TENM3: variants seen among roughly 807,000 people sequenced by gnomAD.
TENM3 encodes the protein teneurin transmembrane protein 3, also known as teneurin-3.
TENM3 carries 63 observed loss-of-function variants against 255.1 expected under a neutral mutation model. The ratio of observed to expected loss-of-function variants is 0.25; its 90% confidence interval spans 0.20 to 0.30. TENM3 has a LOEUF of 0.30. Ranked by LOEUF, TENM3 falls within the 10% of genes least tolerant of loss-of-function variation. TENM3 has a pLI of 1.00. For synonymous variants in TENM3, 1,306 were observed against 1,322.3 expected, an observed-to-expected ratio of 0.99 and a Z score of 0.27; for missense variants, 2,929 against 3,461.1, an observed-to-expected ratio of 0.85 and a Z score of 3.86.
At chr4:182,034,603 T>C in the TENM3 span, among the ~76,000 whole-genome samples, 1 of 152,194 alleles carries the variant, frequency 6.6e-6, no homozygotes, top group African/African-American at 2.4e-5. Flanking sequence ...CCTCGGCATT[T>C]GGTTGTCTGG....
the TENM3 span, among the ~76,000 whole-genome samples, chr4:181,591,957 A>G: frequency 9.0e-6 from 1 of 110,620 alleles, no homozygotes; most frequent in African/African-American, 3.0e-5. Context: ...GAAAAAAGCC[A>G]GAAAAAAAAA....
At chr4:182,016,130 G>A in the TENM3 span, among the ~76,000 whole-genome samples, 1 of 152,128 alleles carries the variant, frequency 6.6e-6, no homozygotes, top group Non-Finnish European at 1.5e-5. Context: ...CTGGTTGAGA[G>A]ACAGTTCTCC....
chr4:182,758,631 G>T (rs903282344), intron 22 of TENM3, among the ~76,000 whole-genome samples: 1 of 152,088 alleles, frequency 6.6e-6, no homozygotes, highest in Non-Finnish European at 1.5e-5. Flanking sequence ...ATATTAGTAC[G>T]TGTCTGTAAT....
intron 1 of TENM3, among the ~76,000 whole-genome samples, chr4:182,203,528 G>T (rs2149840865): frequency 6.6e-6 from 1 of 152,296 alleles, no homozygotes; most frequent in African/African-American, 2.4e-5. Context: ...AAGGCAGTTG[G>T]GAGACTTGAG....
the TENM3 span, among the ~76,000 whole-genome samples, chr4:181,694,356 G>C: frequency 1.3e-5 from 2 of 152,090 alleles, no homozygotes; most frequent in Non-Finnish European, 2.9e-5. Flanking sequence ...ATGTACTGCC[G>C]CACAAACCTT....
At chr4:182,020,479 C>T in the TENM3 span, among the ~76,000 whole-genome samples, 1 of 152,118 alleles carries the variant, frequency 6.6e-6, no homozygotes, top group Non-Finnish European at 1.5e-5. Flanking sequence ...AGTTGTAGTG[C>T]TCTATAGCTC....
At chr4:181,966,267 G>C in the TENM3 span, among the ~76,000 whole-genome samples, 1 of 152,154 alleles carries the variant, frequency 6.6e-6, no homozygotes, top group South Asian at 2.1e-4. Context: ...AATGGGCTCT[G>C]TGTCATTCAG....
chr4:182,172,367 T>A (rs1458863745), intron 1 of TENM3, among the ~76,000 whole-genome samples: 1 of 152,148 alleles, frequency 6.6e-6, no homozygotes, highest in Non-Finnish European at 1.5e-5. Context: ...CAAAACAGTA[T>A]CTAATTCGGT....
chr4:181,968,871 C>T, the TENM3 span, among the ~76,000 whole-genome samples: 1 of 152,084 alleles, frequency 6.6e-6, no homozygotes, highest in Non-Finnish European at 1.5e-5. Context: ...ATTACATACA[C>T]ACATATATAA....
chr4:182,208,371 A>C (rs1375834928), intron 1 of TENM3, among the ~76,000 whole-genome samples: 1 of 152,200 alleles, frequency 6.6e-6, no homozygotes, highest in Non-Finnish European at 1.5e-5. Context: ...CTTCTCATGA[A>C]GACTCTAGGG....
intron 1 of TENM3, among the ~76,000 whole-genome samples, chr4:182,164,004 T>C (rs1485603339): frequency 6.6e-6 from 1 of 152,200 alleles, no homozygotes; most frequent in Non-Finnish European, 1.5e-5. Flanking sequence ...TCAAAACTTC[T>C]AGCTCCAGAT....
chr4:181,550,031 T>G, the TENM3 span, among the ~76,000 whole-genome samples: 1 of 152,192 alleles, frequency 6.6e-6, no homozygotes, highest in East Asian at 1.9e-4. Context: ...CATTTTACAC[T>G]TCTGATTTTC....
chr4:181,888,516 G>GTGTATATATATATATATA, the TENM3 span, among the ~76,000 whole-genome samples: 30 of 41,510 alleles, frequency 7.2e-4, 1 homozygote, highest in East Asian at 6.1e-3. Flanking sequence ...ATATATATAT[G>GTGTATATATATATATATA]TATATATATA....
the TENM3 span, among the ~76,000 whole-genome samples, chr4:182,008,428 A>T: frequency 1.3e-5 from 2 of 151,698 alleles, no homozygotes; most frequent in Admixed American, 6.6e-5. Context: ...GGCTTTGCTC[A>T]TTCCTTGTCT....
intron 1 of TENM3, among the ~76,000 whole-genome samples, chr4:182,197,134 CA>C: frequency 6.6e-6 from 1 of 152,324 alleles, no homozygotes; most frequent in Non-Finnish European, 1.5e-5. Context: ...ATTTCCTATA[CA>C]AATAATAAGC....
At chr4:181,822,173 C>G in the TENM3 span, among the ~76,000 whole-genome samples, 1 of 152,166 alleles carries the variant, frequency 6.6e-6, no homozygotes, top group African/African-American at 2.4e-5. Flanking sequence ...CCCCCCACTT[C>G]TGGCTGCTCT....
At chr4:182,072,835 T>G in the TENM3 span, among the ~76,000 whole-genome samples, 1 of 152,244 alleles carries the variant, frequency 6.6e-6, no homozygotes, top group Middle Eastern at 3.4e-3. Context: ...GTGGACTGAG[T>G]TGTGCTCCCC....
chr4:181,826,584 G>A, the TENM3 span, among the ~76,000 whole-genome samples: 2 of 152,178 alleles, frequency 1.3e-5, no homozygotes, highest in Non-Finnish European at 2.9e-5. Context: ...CAGCAAAGTG[G>A]CTATTAGGAT....
the TENM3 span, among the ~76,000 whole-genome samples, chr4:181,702,002 T>G: frequency 3.9e-5 from 6 of 152,170 alleles, no homozygotes; most frequent in South Asian, 2.1e-4. Flanking sequence ...GCAGCCTAGG[T>G]CCGTGCCATC....
Sources: allele counts gnomAD v4.1 joint callset (sites outside exome capture counted in the v4.1 genomes callset), GRCh38; gene constraint gnomAD v4.1.1; transcripts MANE v1.5; gene names NCBI Gene and HGNC (gene_info 2026-07-23, HGNC 2026-07-21).